DOCK1: variants seen among roughly 807,000 people sequenced by gnomAD.
DOCK1 encodes the protein dedicator of cytokinesis 1.
Under a neutral mutation model 262.7 loss-of-function variants are expected in DOCK1, and 138 were observed. The ratio of observed to expected loss-of-function variants is 0.53; its 90% confidence interval spans 0.46 to 0.61. The LOEUF is 0.61. Ranked by LOEUF, DOCK1 falls within the 20% of genes least tolerant of loss-of-function variation. The pLI, the probability that DOCK1 is intolerant of heterozygous loss-of-function variation, is 0.00. For synonymous variants in DOCK1, 866 were observed against 867.4 expected (o/e 1.00, Z 0.03); for missense variants, 1,908 against 2,370.7 (o/e 0.80, Z 4.05).
At chr10:127,136,273 A>C (rs2050689229) in intron 27 of DOCK1, 1 of 152,152 alleles carries the variant, frequency 6.6e-6, no homozygotes, top group Non-Finnish European at 1.5e-5. Flanking sequence ...TTTGCTGTTG[A>C]GTCAGGAGGA....
chr10:127,027,952 C>T (rs1221965794), intron 16 of DOCK1, among the ~76,000 whole-genome samples: 1 of 151,732 alleles, frequency 6.6e-6, no homozygotes, highest in African/African-American at 2.4e-5. Context: ...GGGTGCCGGC[C>T]CATGACTGTC....
intron 48 of DOCK1, among the ~76,000 whole-genome samples, chr10:127,435,589 T>A (rs913770067): frequency 6.6e-6 from 1 of 152,046 alleles, no homozygotes; most frequent in Non-Finnish European, 1.5e-5. Flanking sequence ...CCCGAGAAAA[T>A]CCCCGGACTG....
chr10:127,236,672 A>T (rs1334180956), intron 27 of DOCK1, among the ~76,000 whole-genome samples: 1 of 151,458 alleles, frequency 6.6e-6, no homozygotes, highest in African/African-American at 2.4e-5. Flanking sequence ...ATATTCCTCC[A>T]ATTTTTAGGT....
At chr10:127,367,907 A>C (rs2065011955) in intron 33 of DOCK1, among the ~76,000 whole-genome samples, 1 of 152,042 alleles carries the variant, frequency 6.6e-6, no homozygotes, top group South Asian at 2.1e-4. Flanking sequence ...GGAGGTGGGG[A>C]TACATGTGGG....
At chr10:127,063,091 C>T (rs2045640474) in intron 23 of DOCK1, among the ~76,000 whole-genome samples, 1 of 152,224 alleles carries the variant, frequency 6.6e-6, no homozygotes, top group African/African-American at 2.4e-5. Flanking sequence ...GCAGAAGGAG[C>T]TGTACAACTT....
intron 1 of DOCK1, among the ~76,000 whole-genome samples, chr10:126,955,000 C>G (rs1234679825): frequency 6.6e-6 from 1 of 152,216 alleles, no homozygotes; most frequent in Non-Finnish European, 1.5e-5. Context: ...TTTTCCGCGG[C>G]TGCACCATTT....
At chr10:127,264,368 A>G (rs141255787) in intron 29 of DOCK1, among the ~76,000 whole-genome samples, 1 of 152,234 alleles carries the variant, frequency 6.6e-6, no homozygotes, top group South Asian at 2.1e-4. Flanking sequence ...TGTGTTTGAG[A>G]CTTCCTGTTC....
chr10:127,402,840 C>A, intron 38 of DOCK1: 5 of 657,594 alleles, frequency 7.6e-6, no homozygotes, highest in Admixed American at 1.8e-5. Context: ...GATTGACATG[C>A]CAGTGATTGA....
At chr10:127,247,314 T>C (rs1385260764) in intron 27 of DOCK1, among the ~76,000 whole-genome samples, 1 of 152,134 alleles carries the variant, frequency 6.6e-6, no homozygotes, top group Non-Finnish European at 1.5e-5. Flanking sequence ...GCTCTCCCAC[T>C]TGACATTCTG....
intron 1 of DOCK1, among the ~76,000 whole-genome samples, chr10:126,913,483 G>A (rs1231523756): frequency 3.3e-5 from 5 of 152,196 alleles, no homozygotes; most frequent in Non-Finnish European, 7.3e-5. Context: ...TCCTCCACTC[G>A]CACCTTGCGT....
At chr10:127,110,179 G>A (rs762102975) in intron 24 of DOCK1, 69 bp from the exon 25 acceptor site, 6 of 1,304,466 alleles carry the variant, frequency 4.6e-6, no homozygotes, top group Non-Finnish European at 6.5e-6. Flanking sequence ...CTATATCTCA[G>A]TATTGTAACA....
intron 29 of DOCK1, among the ~76,000 whole-genome samples, chr10:127,312,276 G>A (rs778158151): frequency 1.3e-5 from 2 of 152,182 alleles, no homozygotes; most frequent in African/African-American, 2.4e-5. Context: ...CATAGAAATA[G>A]CGGTGATGAT....
intron 40 of DOCK1, among the ~76,000 whole-genome samples, chr10:127,405,679 C>T (rs1473277633): frequency 6.6e-6 from 1 of 152,096 alleles, no homozygotes; most frequent in African/African-American, 2.4e-5. Context: ...AGGATACAGA[C>T]CTCCCCTTAG....
At chr10:127,254,121 T>C (rs916909212) in intron 28 of DOCK1, among the ~76,000 whole-genome samples, 14 of 152,292 alleles carry the variant, frequency 9.2e-5, no homozygotes, top group South Asian at 6.2e-4. Flanking sequence ...CCTCATGCCA[T>C]TTGTATTCAG....
chr10:127,260,956 T>G (rs1380187088), intron 29 of DOCK1, among the ~76,000 whole-genome samples: 2 of 127,660 alleles, frequency 1.6e-5, no homozygotes, highest in African/African-American at 2.8e-5. Context: ...CTCATCTGTG[T>G]GTGTGCATGT....
intron 27 of DOCK1, among the ~76,000 whole-genome samples, chr10:127,141,596 G>A (rs1026448010): frequency 1.1e-4 from 16 of 152,074 alleles, no homozygotes; most frequent in Non-Finnish European, 1.6e-4. Flanking sequence ...CCAGCTACTC[G>A]GGAGGTGGAG....
At chr10:127,313,575 C>CGTACCCT (rs1300811935) in intron 29 of DOCK1, among the ~76,000 whole-genome samples, 1 of 152,146 alleles carries the variant, frequency 6.6e-6, no homozygotes, top group African/African-American at 2.4e-5. Context: ...TAGACCTAAC[C>CGTACCCT]GTACCCTTCA....
intron 1 of DOCK1, among the ~76,000 whole-genome samples, chr10:126,927,733 G>A (rs1465471886): frequency 3.9e-5 from 6 of 152,074 alleles, no homozygotes; most frequent in African/African-American, 7.2e-5. Context: ...CACCGCGCCC[G>A]GCCTGTCTTC....
chr10:127,402,226 A>G (rs567867565), intron 38 of DOCK1, among the ~76,000 whole-genome samples: 2 of 152,148 alleles, frequency 1.3e-5, no homozygotes, highest in Admixed American at 6.5e-5. Flanking sequence ...CCTTACCAAA[A>G]GTTTTGAGGC....
Sources: gnomAD v4.1 joint callset for allele counts (sites outside exome capture counted in the v4.1 genomes callset) on GRCh38, gnomAD v4.1.1 for gene constraint, MANE v1.5 for transcripts, NCBI Gene and HGNC (gene_info 2026-07-23, HGNC 2026-07-21) for gene names.